ENTREP2: variants seen among roughly 807,000 people sequenced by gnomAD.
ENTREP2 encodes the protein endosomal transmembrane epsin interactor 2.
chr15:29,530,715 C>T, the ENTREP2 span, among the ~76,000 whole-genome samples: 6 of 152,232 alleles, frequency 3.9e-5, no homozygotes, highest in African/African-American at 1.4e-4. Flanking sequence ...AGCACAGAAA[C>T]ATACATTATT....
chr15:29,361,992 T>C, the ENTREP2 span, among the ~76,000 whole-genome samples: 1 of 152,162 alleles, frequency 6.6e-6, no homozygotes, highest in Non-Finnish European at 1.5e-5. Context: ...TGCAACTCAC[T>C]TCACAGCACA....
At chr15:29,204,032 C>T in the ENTREP2 span, among the ~76,000 whole-genome samples, 1 of 152,158 alleles carries the variant, frequency 6.6e-6, no homozygotes, top group African/African-American at 2.4e-5. Flanking sequence ...AAATCTTTTC[C>T]ATCAGTTATT....
the ENTREP2 span, among the ~76,000 whole-genome samples, chr15:29,599,234 A>G: frequency 6.6e-6 from 1 of 152,356 alleles, no homozygotes; most frequent in Middle Eastern, 3.4e-3. Flanking sequence ...GAGCATGCAC[A>G]GAAAGCTTAA....
chr15:29,526,255 T>C, the ENTREP2 span, among the ~76,000 whole-genome samples: 2 of 151,890 alleles, frequency 1.3e-5, no homozygotes, highest in Non-Finnish European at 2.9e-5. Context: ...AAAGAAAAAA[T>C]AGGATCACAA....
chr15:29,248,205 C>A, the ENTREP2 span, among the ~76,000 whole-genome samples: 1 of 151,742 alleles, frequency 6.6e-6, no homozygotes. Flanking sequence ...TTCAATTCAT[C>A]GAGTAGACTG....
At chr15:29,276,309 T>G in the ENTREP2 span, among the ~76,000 whole-genome samples, 1 of 152,242 alleles carries the variant, frequency 6.6e-6, no homozygotes, top group Non-Finnish European at 1.5e-5. Context: ...TAGGGCCTAT[T>G]AAGTTATAAA....
chr15:29,139,728 T>C, the ENTREP2 span, among the ~76,000 whole-genome samples: 2 of 152,172 alleles, frequency 1.3e-5, no homozygotes, highest in Non-Finnish European at 2.9e-5. Flanking sequence ...TTCGGGGACA[T>C]GTTGGCCCCA....
At chr15:29,489,256 C>T in the ENTREP2 span, among the ~76,000 whole-genome samples, 204 of 152,136 alleles carry the variant, frequency 1.3e-3, no homozygotes, top group African/African-American at 4.8e-3. Flanking sequence ...CCTGCCTGGC[C>T]GAGAGAAATA....
chr15:29,189,738 T>TA, the ENTREP2 span, among the ~76,000 whole-genome samples: 99 of 151,504 alleles, frequency 6.5e-4, no homozygotes, highest in African/African-American at 2.1e-3. Context: ...TTTTGTAACT[T>TA]AAAAAAAAAT....
the ENTREP2 span, among the ~76,000 whole-genome samples, chr15:29,273,066 G>T: frequency 2.0e-5 from 3 of 152,138 alleles, no homozygotes. Flanking sequence ...CATTTAGAGC[G>T]GGTGAGGGTT....
the ENTREP2 span, among the ~76,000 whole-genome samples, chr15:29,147,567 T>A: frequency 6.7e-6 from 1 of 149,204 alleles, no homozygotes; most frequent in South Asian, 2.1e-4. Context: ...ATCATAAGTG[T>A]TGGCGTGGAT....
chr15:29,378,857 T>C, the ENTREP2 span, among the ~76,000 whole-genome samples: 1 of 152,256 alleles, frequency 6.6e-6, no homozygotes, highest in South Asian at 2.1e-4. Context: ...GGTTATGTTT[T>C]TCTAAAGCAC....
chr15:29,646,923 A>G, the ENTREP2 span, among the ~76,000 whole-genome samples: 1 of 152,174 alleles, frequency 6.6e-6, no homozygotes, highest in South Asian at 2.1e-4. Flanking sequence ...GGTATTTCAA[A>G]CCCACTTCTC....
chr15:29,540,783 G>A, the ENTREP2 span, among the ~76,000 whole-genome samples: 1 of 152,204 alleles, frequency 6.6e-6, no homozygotes, highest in Admixed American at 6.5e-5. Flanking sequence ...TAAACAGTGT[G>A]ATCTGCACCA....
At chr15:29,613,993 A>T in the ENTREP2 span, 4 of 153,840 alleles carry the variant, frequency 2.6e-5, no homozygotes, top group Non-Finnish European at 5.8e-5. Flanking sequence ...GCAGATGCTC[A>T]GTGTGCAGAA....
the ENTREP2 span, among the ~76,000 whole-genome samples, chr15:29,382,134 C>T: frequency 7.2e-5 from 11 of 152,040 alleles, no homozygotes; most frequent in African/African-American, 1.7e-4. Context: ...GCTAGGCACA[C>T]GCTTGTATTC....
At chr15:29,241,921 G>A in the ENTREP2 span, among the ~76,000 whole-genome samples, 1 of 152,092 alleles carries the variant, frequency 6.6e-6, no homozygotes, top group Non-Finnish European at 1.5e-5. Context: ...GTGCATACCT[G>A]TAGTGCCAGC....
the ENTREP2 span, among the ~76,000 whole-genome samples, chr15:29,284,509 A>T: frequency 6.7e-6 from 1 of 149,124 alleles, no homozygotes; most frequent in East Asian, 2.1e-4. Flanking sequence ...GTGAGTAAAG[A>T]TTGCACCACT....
At chr15:29,518,502 G>A in the ENTREP2 span, among the ~76,000 whole-genome samples, 13 of 152,258 alleles carry the variant, frequency 8.5e-5, no homozygotes, top group East Asian at 1.9e-4. Context: ...AAAAGGAGGC[G>A]TGCCATGGAC....
Sources: allele counts gnomAD v4.1 joint callset (sites outside exome capture counted in the v4.1 genomes callset), GRCh38; gene constraint gnomAD v4.1.1; transcripts MANE v1.5; gene names NCBI Gene and HGNC (gene_info 2026-07-23, HGNC 2026-07-21).